The following SLC8A1 variants were observed in gnomAD, a reference collection of about 807,000 sequenced individuals.
SLC8A1 encodes the protein sodium/calcium exchanger 1.
Under a neutral mutation model 68.3 loss-of-function variants are expected in SLC8A1, and 18 were observed. The observed-to-expected ratio is 0.26, with a 90% confidence interval of 0.18 to 0.39. The LOEUF is 0.39. Among genes scored for constraint, SLC8A1 ranks in the 10% least tolerant of loss-of-function variants. SLC8A1 has a pLI of 1.00. For synonymous variants in SLC8A1, 475 were observed against 415.5 expected (o/e 1.14, Z -1.74); for missense variants, 985 against 1,156.7 (o/e 0.85, Z 2.15).
At chr2:40,368,983 G>A (rs902305801) in intron 2 of SLC8A1, among the ~76,000 whole-genome samples, 7 of 151,978 alleles carry the variant, frequency 4.6e-5, no homozygotes, top group African/African-American at 1.7e-4. Context: ...CTGGCTAGCT[G>A]TATGCAGGAG....
chr2:40,374,397 AAAAG>A (rs1235519513), intron 2 of SLC8A1, among the ~76,000 whole-genome samples: 1 of 151,856 alleles, frequency 6.6e-6, no homozygotes, highest in Non-Finnish European at 1.5e-5. Context: ...CAAAATTTAA[AAAAG>A]AAAAGATGAA....
chr2:40,394,157 A>T (rs1397245635), intron 2 of SLC8A1, among the ~76,000 whole-genome samples: 1 of 152,046 alleles, frequency 6.6e-6, no homozygotes, highest in East Asian at 1.9e-4. Flanking sequence ...AACGGAGCTT[A>T]AAAAAAGGTT....
chr2:40,164,574 C>T (rs2046232320), intron 5 of SLC8A1, among the ~76,000 whole-genome samples: 1 of 152,124 alleles, frequency 6.6e-6, no homozygotes, highest in Admixed American at 6.5e-5. Context: ...CCTTGCTGCC[C>T]CTCAGATTAA....
intron 2 of SLC8A1, among the ~76,000 whole-genome samples, chr2:40,205,890 T>C (rs1351059521): frequency 2.6e-5 from 4 of 151,724 alleles, no homozygotes; most frequent in Non-Finnish European, 4.4e-5. Context: ...TGTGTATAAC[T>C]GGCCCATGGG....
chr2:40,246,318 C>T (rs2061859235), intron 2 of SLC8A1, among the ~76,000 whole-genome samples: 1 of 152,220 alleles, frequency 6.6e-6, no homozygotes, highest in African/African-American at 2.4e-5. Context: ...CCTGATTCCA[C>T]TTCAAAACGT....
chr2:40,498,442 A>G (rs1401045688), intron 1 of SLC8A1, among the ~76,000 whole-genome samples: 1 of 152,124 alleles, frequency 6.6e-6, no homozygotes, highest in Non-Finnish European at 1.5e-5. Context: ...CAAGATTGCA[A>G]GTATAATTTC....
chr2:40,403,029 A>T (rs375197470), intron 2 of SLC8A1, among the ~76,000 whole-genome samples: 11 of 152,222 alleles, frequency 7.2e-5, no homozygotes, highest in African/African-American at 2.7e-4. Context: ...TGACACTTAC[A>T]TACAAATGAC....
intron 2 of SLC8A1, among the ~76,000 whole-genome samples, chr2:40,391,532 A>ACTTCTC (rs1348247669): frequency 6.6e-6 from 1 of 152,038 alleles, no homozygotes; most frequent in Admixed American, 6.6e-5. Context: ...AAGGAATTTG[A>ACTTCTC]CAGGAACCAT....
chr2:40,169,461 T>C (rs1036976958), intron 4 of SLC8A1, among the ~76,000 whole-genome samples: 2 of 152,080 alleles, frequency 1.3e-5, no homozygotes, highest in Admixed American at 6.5e-5. Flanking sequence ...AGAGATGATA[T>C]TTGGGCTCTA....
At chr2:40,159,277 G>C (rs931846330) in intron 6 of SLC8A1, among the ~76,000 whole-genome samples, 3 of 152,146 alleles carry the variant, frequency 2.0e-5, no homozygotes, top group Non-Finnish European at 4.4e-5. Context: ...AGCTCCACTT[G>C]GGCAGGGGTA....
intron 2 of SLC8A1, among the ~76,000 whole-genome samples, chr2:40,218,824 A>C (rs985212571): frequency 6.6e-6 from 1 of 152,188 alleles, no homozygotes; most frequent in Non-Finnish European, 1.5e-5. Context: ...CGTTGGATGA[A>C]AAATGCTGAC....
chr2:40,237,078 G>C (rs1322916123), intron 2 of SLC8A1, among the ~76,000 whole-genome samples: 1 of 151,460 alleles, frequency 6.6e-6, no homozygotes, highest in African/African-American at 2.4e-5. Context: ...TGACAATTAT[G>C]TGTCTTGGAG....
intron 2 of SLC8A1, among the ~76,000 whole-genome samples, chr2:40,379,803 A>T (rs868834961): frequency 6.6e-6 from 1 of 152,050 alleles, no homozygotes; most frequent in Non-Finnish European, 1.5e-5. Flanking sequence ...AAAACTTGCC[A>T]CTGAAGTCTC....
intron 2 of SLC8A1, among the ~76,000 whole-genome samples, chr2:40,336,611 G>A (rs1407293436): frequency 6.6e-6 from 1 of 152,096 alleles, no homozygotes; most frequent in South Asian, 2.1e-4. Context: ...CCAGTCATTG[G>A]TCTAGGCTTC....
chr2:40,396,991 G>A (rs1418718202), intron 2 of SLC8A1, among the ~76,000 whole-genome samples: 2 of 152,022 alleles, frequency 1.3e-5, no homozygotes, highest in Non-Finnish European at 2.9e-5. Context: ...CCATGGCCCT[G>A]GAAAAGTAAT....
intron 1 of SLC8A1, among the ~76,000 whole-genome samples, chr2:40,436,915 G>T (rs1699530129): frequency 6.6e-6 from 1 of 152,106 alleles, no homozygotes; most frequent in Non-Finnish European, 1.5e-5. Flanking sequence ...CAGAACCACA[G>T]AGCAGGGTTT....
intron 1 of SLC8A1, among the ~76,000 whole-genome samples, chr2:40,500,622 G>C (rs1008235547): frequency 4.6e-5 from 7 of 151,934 alleles, no homozygotes; most frequent in African/African-American, 1.7e-4. Context: ...TTCTTGAAAA[G>C]AGGCTTTTAA....
At chr2:40,489,703 G>A (rs1032165061) in intron 1 of SLC8A1, among the ~76,000 whole-genome samples, 3 of 152,080 alleles carry the variant, frequency 2.0e-5, no homozygotes, top group Admixed American at 6.6e-5. Flanking sequence ...TCTCTCCCTT[G>A]ATAGAGATTT....
exon 8 of SLC8A1, chr2:40,111,858 C>T (rs1196346399): frequency 6.6e-6 from 1 of 152,102 alleles, no homozygotes; most frequent in Non-Finnish European, 1.5e-5. Flanking sequence ...TGATGTAATA[C>T]TCTGCATGCT....
Sources: allele counts gnomAD v4.1 joint callset (sites outside exome capture counted in the v4.1 genomes callset), GRCh38; gene constraint gnomAD v4.1.1; transcripts MANE v1.5; gene names NCBI Gene and HGNC (gene_info 2026-07-23, HGNC 2026-07-21).